The following RP1 variants were observed in gnomAD, a reference collection of about 807,000 sequenced individuals.
RP1 encodes RP1 axonemal microtubule associated, also known as oxygen-regulated protein 1.
In RP1, 16 loss-of-function variants were observed where a neutral mutation model predicts 14.8. The observed-to-expected ratio is 1.08, with a 90% CI of 0.73 to 1.65. RP1 has a LOEUF of 1.65. Among genes scored for constraint, RP1 ranks in the 40% most tolerant of loss-of-function variants. RP1 has a pLI of 0.00. For synonymous variants in RP1, 876 were observed against 883.6 expected (o/e 0.99, Z 0.15); for missense variants, 2,631 against 2,535.0 (o/e 1.04, Z -0.81).
intron 15 of RP1, among the ~76,000 whole-genome samples, chr8:54,718,250 A>G (rs1427510145): frequency 1.8e-4 from 28 of 152,210 alleles, no homozygotes; most frequent in Admixed American, 1.8e-3. Context: ...CAACAGACCC[A>G]GAATAGCCAA....
upstream of RP1, among the ~76,000 whole-genome samples, chr8:54,613,288 G>C (rs1481298440): frequency 1.3e-5 from 2 of 152,130 alleles, no homozygotes; most frequent in Non-Finnish European, 2.9e-5. Context: ...TTCCATAAAA[G>C]GTATACAAAA....
intron 1 of RP1, among the ~76,000 whole-genome samples, chr8:54,610,135 T>A (rs1805558075): frequency 6.6e-6 from 1 of 152,224 alleles, no homozygotes; most frequent in Non-Finnish European, 1.5e-5. Flanking sequence ...CAGATAAACT[T>A]CACATTGCTA....
downstream of RP1, among the ~76,000 whole-genome samples, chr8:54,632,059 C>G (rs564988780): frequency 2.6e-4 from 40 of 152,124 alleles, no homozygotes; most frequent in African/African-American, 9.4e-4. Context: ...TTAGGCTGTT[C>G]TTGAACTTCC....
At chr8:54,608,220 A>T (rs572221050) in intron 1 of RP1, among the ~76,000 whole-genome samples, 6 of 145,650 alleles carry the variant, frequency 4.1e-5, no homozygotes, top group Non-Finnish European at 8.9e-5. Context: ...ATGAAGTCTC[A>T]GTCTGTTGCC....
chr8:54,618,217 A>C (rs1394255004), intron 1 of RP1, among the ~76,000 whole-genome samples: 2 of 152,180 alleles, frequency 1.3e-5, no homozygotes, highest in Admixed American at 1.3e-4. Flanking sequence ...TGGTACCTTC[A>C]GCACCTGCCC....
At chr8:54,851,593 T>C (rs942319980) in intron 25 of RP1, among the ~76,000 whole-genome samples, 5 of 152,182 alleles carry the variant, frequency 3.3e-5, no homozygotes, top group Non-Finnish European at 5.9e-5. Flanking sequence ...AATATTTCTT[T>C]GGTTGTCCTA....
downstream of RP1, among the ~76,000 whole-genome samples, chr8:54,771,546 T>G (rs1458024288): frequency 6.6e-6 from 1 of 152,066 alleles, no homozygotes. Context: ...TAAGCTATTT[T>G]AAAATGCTTC....
intron 1 of RP1, among the ~76,000 whole-genome samples, chr8:54,594,881 G>C (rs1563320928): frequency 6.6e-6 from 1 of 152,166 alleles, no homozygotes. Flanking sequence ...TTCTTTAACA[G>C]GAAGGGAGAA....
At chr8:54,760,851 T>A (rs1809621287) in intron 22 of RP1, among the ~76,000 whole-genome samples, 1 of 152,198 alleles carries the variant, frequency 6.6e-6, no homozygotes, top group African/African-American at 2.4e-5. Flanking sequence ...GTAGTATGAC[T>A]TAATTGGCCA....
Position 54,846,257 on chromosome 8 carries a change from G to A in RP1, c.3836-6317G>A, listed in dbSNP as rs566660217. ...TTCATTTGAGAAACAGACACGTGTCGTGTATAAGGCCATCTTTCTAGACAT... is the reference window on the plus strand; with the variant it reads ...TTCATTTGAGAAACAGACACGTGTCATGTATAAGGCCATCTTTCTAGACAT... On this transcript the variant is annotated intron_variant, in intron 25 of 28. Coordinates refer to the RP1 transcript ENST00000637698. Among the ~76,000 whole-genome samples, 11 of 152,316 alleles carry A rather than the reference G, an allele frequency of 7.2e-5. No homozygotes were observed. The East Asian group carries it at 1.5e-3, about 21-fold the overall frequency.
At chr8:54,786,609 A>G (rs1810325565) in intron 24 of RP1, among the ~76,000 whole-genome samples, 2 of 151,982 alleles carry the variant, frequency 1.3e-5, no homozygotes, top group Admixed American at 6.6e-5. Flanking sequence ...CATGCTCCTC[A>G]ATTTGTTATA....
intron 3 of RP1, among the ~76,000 whole-genome samples, chr8:54,635,923 C>T (rs1191369504): frequency 2.0e-5 from 3 of 152,114 alleles, no homozygotes; most frequent in Admixed American, 6.6e-5. Context: ...GAGATTTCCC[C>T]GTCCCTCTCT....
intron 24 of RP1, among the ~76,000 whole-genome samples, chr8:54,802,994 G>C (rs1348421090): frequency 6.6e-6 from 1 of 152,050 alleles, no homozygotes; most frequent in Non-Finnish European, 1.5e-5. Flanking sequence ...TGTCTTTCTT[G>C]GGATTCATAG....
At chr8:54,587,162 G>A (rs577840559) in intron 1 of RP1, among the ~76,000 whole-genome samples, 11 of 152,254 alleles carry the variant, frequency 7.2e-5, no homozygotes, top group African/African-American at 2.6e-4. Context: ...GAATTCTTAT[G>A]CAGCAGTCCC....
At chr8:54,838,401 G>C (rs906098531) in intron 25 of RP1, among the ~76,000 whole-genome samples, 4 of 152,128 alleles carry the variant, frequency 2.6e-5, no homozygotes, top group Non-Finnish European at 5.9e-5. Flanking sequence ...AATGGATACT[G>C]ATAGCCTCTT....
chr8:54,694,878 C>A (rs940303642), intron 12 of RP1, among the ~76,000 whole-genome samples: 6 of 151,824 alleles, frequency 4.0e-5, no homozygotes, highest in Non-Finnish European at 7.4e-5. Context: ...AATGTGTTTG[C>A]TCTTGCTTTT....
At chr8:54,851,506 TAGG>T (rs1812060789) in intron 25 of RP1, among the ~76,000 whole-genome samples, 1 of 152,214 alleles carries the variant, frequency 6.6e-6, no homozygotes, top group Non-Finnish European at 1.5e-5. Context: ...TGAAGAATTT[TAGG>T]AGAAGTTTTC....
chr8:54,728,369 T>G (rs1449520898), intron 17 of RP1, among the ~76,000 whole-genome samples: 1 of 152,162 alleles, frequency 6.6e-6, no homozygotes, highest in Non-Finnish European at 1.5e-5. Flanking sequence ...AGATTTGGGT[T>G]GCATTAGCCA....
chr8:54,750,051 A>G (rs1283936095), intron 19 of RP1, among the ~76,000 whole-genome samples: 2 of 152,076 alleles, frequency 1.3e-5, no homozygotes, highest in African/African-American at 4.8e-5. Context: ...TCTCCCAAGT[A>G]CAGTAGGAGT....
Sources: gnomAD v4.1 joint callset for allele counts (sites outside exome capture counted in the v4.1 genomes callset) on GRCh38, gnomAD v4.1.1 for gene constraint, MANE v1.5 for transcripts, NCBI Gene and HGNC (gene_info 2026-07-23, HGNC 2026-07-21) for gene names.